PPFIA1: variants seen among roughly 807,000 people sequenced by gnomAD.
The protein encoded by PPFIA1 is liprin-alpha-1.
Under a neutral mutation model 149.9 loss-of-function variants are expected in PPFIA1, and 25 were observed. The observed-to-expected ratio is 0.17, with a 90% CI of 0.12 to 0.23. PPFIA1 has a LOEUF of 0.23. PPFIA1 is among the 10% of genes least tolerant of loss of function. PPFIA1 has a pLI of 1.00. For missense variants in PPFIA1, 1,362 were observed against 1,506.5 expected (o/e 0.90, Z 1.59); for synonymous variants, 549 against 552.8 (o/e 0.99, Z 0.10).
At chr11:70,323,489 A>T (rs1349331433) in intron 2 of PPFIA1, among the ~76,000 whole-genome samples, 1 of 152,194 alleles carries the variant, frequency 6.6e-6, no homozygotes, top group Non-Finnish European at 1.5e-5. Context: ...ATGCAGCATC[A>T]GCACCACGTA....
intron 2 of PPFIA1, among the ~76,000 whole-genome samples, chr11:70,273,105 C>T (rs2050188213): frequency 6.6e-6 from 1 of 152,188 alleles, no homozygotes; most frequent in Non-Finnish European, 1.5e-5. Context: ...TGGCAAAACC[C>T]TGTCTCTACC....
chr11:70,278,861 C>A, intron 2 of PPFIA1: 1 of 453,300 alleles, frequency 2.2e-6, no homozygotes, highest in South Asian at 2.3e-5. Context: ...CCACACTGGA[C>A]AGCTGGTAGA....
chr11:70,370,550 C>T (rs2057181584), intron 21 of PPFIA1, among the ~76,000 whole-genome samples: 1 of 151,908 alleles, frequency 6.6e-6, no homozygotes, highest in Non-Finnish European at 1.5e-5. Flanking sequence ...CCATGCCCAG[C>T]TAATTTTTGT....
chr11:70,356,823 A>G (rs1372779242), intron 19 of PPFIA1, among the ~76,000 whole-genome samples: 3 of 152,188 alleles, frequency 2.0e-5, no homozygotes, highest in Non-Finnish European at 4.4e-5. Context: ...TCTCTTCCGT[A>G]GATCGGGTAG....
At chr11:70,377,447 A>G (rs1336929070) in intron 25 of PPFIA1, among the ~76,000 whole-genome samples, 1 of 149,156 alleles carries the variant, frequency 6.7e-6, no homozygotes, top group Non-Finnish European at 1.5e-5. Context: ...GACCACCTCT[A>G]AAGATGAAGC....
At chr11:70,376,250 A>T (rs2057486339) in intron 24 of PPFIA1, among the ~76,000 whole-genome samples, 2 of 152,096 alleles carry the variant, frequency 1.3e-5, no homozygotes, top group Admixed American at 6.5e-5. Flanking sequence ...CGGCCTCCCA[A>T]AGTACTGGGA....
chr11:70,288,480 CTCTT>C (rs1490914822), intron 2 of PPFIA1, among the ~76,000 whole-genome samples: 37 of 152,312 alleles, frequency 2.4e-4, no homozygotes, highest in African/African-American at 8.9e-4. Context: ...TCTCCTTTGA[CTCTT>C]TCTCTGCAAT....
chr11:70,325,024 A>G lies in PPFIA1; in HGVS notation c.531+13A>G. The G allele has an allele frequency of 3.8e-6, 6 of 1,599,806 alleles. No homozygotes were observed. The highest frequency in any genetic ancestry group is 5.1e-6 in the Non-Finnish European group (6 of 1,174,838). Reference sequence around the variant, plus strand: ...TCTGGATGAAAAGGTGCCATCAGCCACATAAGTCTTGGTTTGTGCACATGC... The same window carrying G: ...TCTGGATGAAAAGGTGCCATCAGCCGCATAAGTCTTGGTTTGTGCACATGC... On this transcript the variant is annotated intron_variant, in intron 4 of 27. Transcript: ENST00000253925.
Position 70,326,291 on chromosome 11 carries a change from GA to G in PPFIA1, c.643del (p.Thr215LeufsTer2). The G allele has an allele frequency of 6.2e-7, 1 of 1,606,726 alleles. No individual in the cohort carries two copies. ...TGATTCTTAAAGAACAGAATAATCAGAAAAAAACTCTAACAGATGGAGTGCT... is the reference window on the plus strand; with the variant it reads ...TGATTCTTAAAGAACAGAATAATCAGAAAAAACTCTAACAGATGGAGTGCT... ...LMILKEQNNQKKTLTDGVLDI... is the reference protein window; with the variant it reads ...LMILKEQNNQXKTLTDGVLDI... On this transcript the variant is annotated frameshift_variant, in exon 6 of 28. Transcript: ENST00000253925. LOFTEE classifies it high-confidence loss of function.
At chr11:70,332,481 AT>A (rs1252276393) in intron 9 of PPFIA1, among the ~76,000 whole-genome samples, 2 of 152,178 alleles carry the variant, frequency 1.3e-5, no homozygotes, top group African/African-American at 2.4e-5. Context: ...TCATAAACAC[AT>A]TTTTAAGTAA....
chr11:70,339,411 T>C, intron 14 of PPFIA1, 105 bp downstream of exon 14: 1 of 1,290,996 alleles, frequency 7.7e-7, no homozygotes, highest in Non-Finnish European at 1.1e-6. Flanking sequence ...CATTGCTTTC[T>C]TGCCCTCCTC....
At chr11:70,375,930 T>G (rs1379737203) in intron 24 of PPFIA1, among the ~76,000 whole-genome samples, 3 of 144,378 alleles carry the variant, frequency 2.1e-5, no homozygotes, top group Non-Finnish European at 4.7e-5. Context: ...GACTCCACAT[T>G]AGATGCCCTG....
intron 2 of PPFIA1, among the ~76,000 whole-genome samples, chr11:70,286,754 CTT>C (rs957912008): frequency 4.0e-5 from 5 of 123,994 alleles, no homozygotes; most frequent in Admixed American, 8.2e-5. Flanking sequence ...TTCTTTCTTT[CTT>C]TTTTTTTTTT....
At chr11:70,285,168 G>A (rs1300640908) in intron 2 of PPFIA1, among the ~76,000 whole-genome samples, 2 of 151,730 alleles carry the variant, frequency 1.3e-5, no homozygotes, top group Non-Finnish European at 2.9e-5. Flanking sequence ...CACCGTGCCC[G>A]GCTAATCTTT....
In PPFIA1 at chr11:70,295,902, G is replaced by A. The variant is rs1247894973; in HGVS notation, c.264+23466G>A. On this transcript the variant is annotated intron_variant, in intron 2 of 27. Transcript: ENST00000253925. ...TTCTCAGACGGGGCGGCTGCCGGGC[G>A]GAGGGTCTCCTCACTTCTCAGACGG... Among the ~76,000 whole-genome samples, 8 of 151,236 alleles carry A rather than the reference G, an allele frequency of 5.3e-5. No homozygotes were observed. In the East Asian group the frequency reaches 6.0e-4, roughly 11 times the overall value.
At chr11:70,275,351 A>G (rs1047684500) in intron 2 of PPFIA1, among the ~76,000 whole-genome samples, 1 of 152,204 alleles carries the variant, frequency 6.6e-6, no homozygotes, top group Non-Finnish European at 1.5e-5. Flanking sequence ...ACATATGTGC[A>G]TGACAGATTG....
intron 2 of PPFIA1, among the ~76,000 whole-genome samples, chr11:70,288,361 C>T (rs572902233): frequency 2.6e-5 from 4 of 152,222 alleles, no homozygotes; most frequent in East Asian, 3.9e-4. Flanking sequence ...TCAGCCACCG[C>T]GCCCGGCCTC....
intron 27 of PPFIA1, 59 bp downstream of exon 27, chr11:70,382,217 G>T: frequency 7.4e-7 from 1 of 1,348,838 alleles, no homozygotes. Context: ...GGAGTCATCG[G>T]AGCTGCAGTG....
At chr11:70,339,043 C>T in intron 13 of PPFIA1, 128 bp from the exon 14 acceptor site, 3 of 1,094,366 alleles carry the variant, frequency 2.7e-6, no homozygotes, top group Non-Finnish European at 3.9e-6. Context: ...CAGATGAGAG[C>T]AGTGCCCTCC....
Sources: gnomAD v4.1 joint callset for allele counts (sites outside exome capture counted in the v4.1 genomes callset) on GRCh38, gnomAD v4.1.1 for gene constraint, MANE v1.5 for transcripts, NCBI Gene and HGNC (gene_info 2026-07-23, HGNC 2026-07-21) for gene names.